The following NOTCH1 variants were observed in gnomAD, a reference collection of about 807,000 sequenced individuals.
NOTCH1 encodes notch receptor 1, also known as neurogenic locus notch homolog protein 1.
NOTCH1 carries 37 observed loss-of-function variants against 254.8 expected under a neutral mutation model. The ratio of observed to expected loss-of-function variants is 0.15; its 90% CI spans 0.11 to 0.19. The LOEUF is 0.19. Among genes scored for constraint, NOTCH1 ranks in the 10% least tolerant of loss-of-function variants. The pLI is 1.00. For synonymous variants in NOTCH1, 1,731 were observed against 1,618.1 expected, an observed-to-expected ratio of 1.07 and a Z score of -1.68; for missense variants, 2,972 against 3,708.6, an observed-to-expected ratio of 0.80 and a Z score of 5.16.
At chr9:136,529,207 A>C (rs1364432517) in intron 2 of NOTCH1, among the ~76,000 whole-genome samples, 1 of 152,236 alleles carries the variant, frequency 6.6e-6, no homozygotes, top group African/African-American at 2.4e-5. Context: ...AAATGGGGCC[A>C]TATGTGGACT....
At position 136,506,025 on chromosome 9, in the gene NOTCH1, C is replaced by G; in HGVS notation, c.4015-144G>C. 4 of 689,560 alleles carry G rather than the reference C, an allele frequency of 5.8e-6. No individual in the cohort carries two copies. The highest frequency in any genetic ancestry group is 9.6e-6 in the Non-Finnish European group (4 of 416,572). The allele number at this position is 689,560 out of a possible 1,614,324, so 42.7% of individuals were successfully genotyped here. A position where few individuals can be genotyped will look rare whatever the true frequency, so the allele number is the denominator to read the frequency against. The stretch of plus-strand genomic sequence containing the variant: ...GCAACCTTGCCCCCAGCAGCAAAAC[C>G]CTTTACACACATTCTACCAACAGAG... On this transcript the variant is annotated intron_variant, in intron 24 of 33. Transcript: ENST00000651671. This position sits in a 1 kb window ranked among gnomAD's most constrained non-coding sequence, Gnocchi z 4.5.
At chr9:136,512,999 A>G (rs760798349) in intron 15 of NOTCH1, 22 bp downstream of exon 15, 1 of 660,648 alleles carries the variant, frequency 1.5e-6, no homozygotes, top group Admixed American at 2.4e-5. Context: ...CCCCTCCAGC[A>G]CAGGCCCCAC....
At chr9:136,533,490 C>T (rs926497905) in intron 2 of NOTCH1, among the ~76,000 whole-genome samples, 2 of 152,210 alleles carry the variant, frequency 1.3e-5, no homozygotes, top group Non-Finnish European at 2.9e-5. Flanking sequence ...GCTCATCTGT[C>T]CCCCGGCTGC....
At chr9:136,511,930 C>T (rs1292261879) in intron 15 of NOTCH1, among the ~76,000 whole-genome samples, 3 of 152,350 alleles carry the variant, frequency 2.0e-5, no homozygotes, top group South Asian at 2.1e-4. Context: ...AGCCCATGGC[C>T]GAGCTTCCTG....
rs1242966995 is a variant in NOTCH1 at position 136,510,653 on chromosome 9, T to C, written c.2740A>G (p.Asn914Asp). Residue 914 changes from asparagine (N) to aspartate (D), a missense_variant and splice_region_variant, in exon 17 of 34, where the codon AAC (asparagine) becomes GAC (aspartate). Coordinates refer to ENST00000651671, the MANE Select transcript of NOTCH1 (RefSeq NM_017617.5). Reference protein sequence around the residue: ...CETDIDDCRPNPCHNGGSCTD... With the variant: ...CETDIDDCRPDPCHNGGSCTD... ...AGGCCAGAGCCGCGGGGCTACTCAC[T>C]GGGCCGGCAGTCGTCGATGTCGGTC... 5 of 1,605,226 alleles carry C rather than the reference T, an allele frequency of 3.1e-6. No homozygotes were observed. The highest frequency in any genetic ancestry group is 3.4e-6 in the Non-Finnish European group (4 of 1,178,786).
intron 10 of NOTCH1, 70 bp from the exon 11 acceptor site, chr9:136,515,786 C>T: frequency 1.4e-6 from 2 of 1,408,702 alleles, no homozygotes; most frequent in East Asian, 5.0e-5. Context: ...ATGACCAGAC[C>T]TGGGGTCACC....
At position 136,496,887 on chromosome 9, in the gene NOTCH1, G is replaced by T. The variant is rs777957099; in HGVS notation, c.6852C>A (p.Thr2284=). 6 of 1,612,750 alleles carry T rather than the reference G, an allele frequency of 3.7e-6. 1 individual carries two copies. The highest frequency in any genetic ancestry group is 2.2e-5 in the East Asian group (1 of 44,898). ...CCCCTCCGCTGCTGGAGCCCAGGAC[G>T]GTGCTGGTGCCAGAGGCCACAGGCA... ...SHLPVASGTS[T]VLGSSSGGAL... Residue 2284 remains threonine, a synonymous_variant, in exon 34 of 34, where the codon ACC becomes ACA. Coordinates refer to ENST00000651671, the MANE Select transcript of NOTCH1 (RefSeq NM_017617.5).
At chr9:136,537,306 C>T (rs570108129) in intron 2 of NOTCH1, among the ~76,000 whole-genome samples, 130 of 152,296 alleles carry the variant, frequency 8.5e-4, no homozygotes, top group Non-Finnish European at 1.6e-3. Flanking sequence ...TTCTAGTCCA[C>T]GCGTGACATG....
intron 5 of NOTCH1, among the ~76,000 whole-genome samples, 172 bp from the exon 6 acceptor site, chr9:136,518,996 C>T (rs1843323977): frequency 6.6e-6 from 1 of 152,226 alleles, no homozygotes; most frequent in Non-Finnish European, 1.5e-5. Flanking sequence ...ACCATGGAGT[C>T]TTGCCTCCTC....
At position 136,513,452 on chromosome 9, in the gene NOTCH1, C is replaced by T. The variant is rs993388875; in HGVS notation, c.2293G>A (p.Gly765Ser). ...CTGGTCATGTCTTTGCAGGTGCCGC[C>T]GTTGACACAAGGGTTGGATTCACAC... ...NECESNPCVN[G>S]GTCKDMTSGY... Residue 765 changes from glycine (G) to serine (S), a missense_variant, in exon 14 of 34, where the codon GGC becomes AGC. Transcript: ENST00000651671. The surrounding 1 kb of genome is among the most constrained non-coding windows in gnomAD (Gnocchi z 4.7). 6 of 1,613,184 alleles carry T rather than the reference C, an allele frequency of 3.7e-6. No individual in the cohort carries two copies. Among genetic ancestry groups the T allele is most frequent in the East Asian group, 2.2e-5 (1 of 44,882 alleles).
rs751544476 is a variant in NOTCH1, at chr9:136,496,992, C to T, written c.6747G>A (p.Val2249=). 6.2e-7 allele frequency: 1 copy of T among 1,610,410 alleles called. No individual in the cohort carries two copies. Among genetic ancestry groups the T allele is most frequent in the Admixed American group, 1.7e-5 (1 of 59,884 alleles). The change falls in exon 34 of 34, where the codon GTG becomes GTA. Residue 2249 remains valine, a synonymous_variant. Transcript: ENST00000651671. ...GCGCCGCCATCTCGGGCTTGGCCGCCACGTTCAGGTGCCCGATGCCCAGGT... is the reference window on the plus strand; with the variant it reads ...GCGCCGCCATCTCGGGCTTGGCCGCTACGTTCAGGTGCCCGATGCCCAGGT... ...DTHLGIGHLN[V]AAKPEMAALG...
intron 7 of NOTCH1, 82 bp from the exon 8 acceptor site, chr9:136,518,019 T>G: frequency 6.4e-7 from 1 of 1,574,306 alleles, no homozygotes; most frequent in Non-Finnish European, 8.6e-7. Flanking sequence ...CCCATCGGAC[T>G]GGCAGGGTCC....
At position 136,506,910 on chromosome 9, in the gene NOTCH1, G is replaced by C. The variant is rs1241855040; in HGVS notation, c.3707C>G (p.Pro1236Arg). The C allele has an allele frequency of 6.2e-7, 1 of 1,611,702 alleles. No individual in the cohort carries two copies. Among genetic ancestry groups the C allele is most frequent in the Non-Finnish European group, 8.5e-7 (1 of 1,179,450 alleles). ...GCAGGTGCCGTTGTTAAAGCACTTG[G>C]GGCTCCGGGACACGGGGTCAACGGG... ...NPPVDPVSRS[P>R]KCFNNGTCVD... is the part of the protein sequence containing the mutation. The change falls in exon 23 of 34, where the codon CCC (proline) becomes CGC (arginine). Residue 1236 changes from proline to arginine, a missense_variant. Physicochemically the swap from Pro to Arg is moderately radical, Grantham distance 103. Around this residue, in one of 8 missense-constraint regions of NOTCH1, gnomAD observed 1,343 missense variants for 1,557.0 expected, o/e 0.86. Coordinates refer to ENST00000651671, the MANE Select transcript of NOTCH1 (RefSeq NM_017617.5). The surrounding 1 kb of genome is among the most constrained non-coding windows in gnomAD (Gnocchi z 4.5).
intron 21 of NOTCH1, 50 bp from the exon 22 acceptor site, chr9:136,507,487 T>C (rs1241056084): frequency 2.6e-6 from 4 of 1,563,096 alleles, no homozygotes; most frequent in Admixed American, 3.9e-5. Context: ...GGCGCCAGGA[T>C]GCAGTGCTCC....
In NOTCH1 at chr9:136,496,100, T is replaced by G. The variant is rs2133313748; in HGVS notation, c.7639A>C (p.Ile2547Leu). 1 of 1,608,046 alleles carries G rather than the reference T, an allele frequency of 6.2e-7. No individual in the cohort carries two copies. The highest frequency in any genetic ancestry group is 1.3e-5 in the African/African-American group (1 of 75,024). Residue 2547 changes from isoleucine (I) to leucine (L), a missense_variant, in exon 34 of 34, where the codon ATC becomes CTC. Coordinates refer to ENST00000651671, the MANE Select transcript of NOTCH1 (RefSeq NM_017617.5). ...TTGAAGGCCTCCGGAATGCGGGCGA[T>G]CTGGGACTGCATGCTGGTGGGAGGG... is the stretch of plus-strand genomic sequence containing the variant. ...SSPPTSMQSQ[I>L]ARIPEAFK
chr9:136,500,419 T>C, intron 31 of NOTCH1, 133 bp downstream of exon 31: 1 of 1,107,246 alleles, frequency 9.0e-7, no homozygotes, highest in Non-Finnish European at 1.3e-6. Flanking sequence ...AGGTCCCAGG[T>C]GGAGGCACCA....
Position 136,495,542 on chromosome 9 carries a change from A to G in NOTCH1, c.*529T>C. ...CAGCTTTGCCTCCGTTTGCCTCTGG[A>G]TGCAGCTTCTCCTAACAGGCAGGTG... On this transcript the variant is annotated 3_prime_UTR_variant, in exon 34 of 34. Transcript: ENST00000651671. 2.5e-6 allele frequency: 1 copy of G among 397,656 alleles called. No homozygotes were observed. Among genetic ancestry groups the G allele is most frequent in the South Asian group, 1.3e-4 (1 of 7,900 alleles). The allele number at this position is 397,656 out of a possible 1,614,324, so 24.6% of individuals were successfully genotyped here. A position where few individuals can be genotyped will look rare whatever the true frequency, so the allele number is the denominator to read the frequency against.
rs1468929774 is a variant in NOTCH1 at position 136,514,666 on chromosome 9, C to A, written c.2051G>T (p.Gly684Val). The A allele has an allele frequency of 6.2e-7, 1 of 1,612,390 alleles. No homozygotes were observed. Among genetic ancestry groups the A allele is most frequent in the Admixed American group, 1.7e-5 (1 of 59,964 alleles). ...GGTGCCCCCGTTGTGGCAGGGGTTG[C>A]CCGCACACTCATCGATGTTGATGTT... ...MCNINIDECA[G>V]NPCHNGGTCE... Residue 684 changes from glycine (G) to valine (V), a missense_variant, in exon 13 of 34, where the codon GGC becomes GTC. Around this residue, in one of 8 missense-constraint regions of NOTCH1, gnomAD observed 1,343 missense variants for 1,557.0 expected, o/e 0.86. Transcript: ENST00000651671.
chr9:136,544,873 C>T (rs1018581031), intron 1 of NOTCH1, among the ~76,000 whole-genome samples: 4 of 152,038 alleles, frequency 2.6e-5, no homozygotes, highest in Non-Finnish European at 4.4e-5. Context: ...TTACTCAAGC[C>T]CCTCCCTCCC....
Sources: gnomAD v4.1 joint callset for allele counts (sites outside exome capture counted in the v4.1 genomes callset) on GRCh38, gnomAD v4.1.1 for gene constraint, gnomAD v4.1.1 regional missense constraint, Gnocchi (gnomAD v3.1) non-coding constraint, MANE v1.5 for transcripts, NCBI Gene and HGNC (gene_info 2026-07-23, HGNC 2026-07-21) for gene names.